The following CSNK2A2 variants were observed in gnomAD, a reference collection of about 807,000 sequenced individuals.
CSNK2A2 encodes the protein casein kinase 2 alpha 2, also known as casein kinase II subunit alpha'.
Under a neutral mutation model 54.0 loss-of-function variants are expected in CSNK2A2, and 8 were observed. The ratio of observed to expected loss-of-function variants is 0.15; its 90% confidence interval spans 0.09 to 0.27. The LOEUF is 0.27. Ranked by LOEUF, CSNK2A2 falls within the 10% of genes least tolerant of loss-of-function variation. The pLI, the probability that CSNK2A2 is intolerant of heterozygous loss-of-function variation, is 1.00. For synonymous variants in CSNK2A2, 141 were observed against 153.9 expected (o/e 0.92, Z 0.62); for missense variants, 242 against 439.4 (o/e 0.55, Z 4.02).
At chr16:58,193,846 A>T (rs1371216138) in intron 2 of CSNK2A2, among the ~76,000 whole-genome samples, 1 of 152,242 alleles carries the variant, frequency 6.6e-6, no homozygotes, top group African/African-American at 2.4e-5. Context: ...TTGTCAAAAA[A>T]AGATACAACC....
At chr16:58,188,262 G>A (rs771866102) in intron 2 of CSNK2A2, among the ~76,000 whole-genome samples, 2 of 152,168 alleles carry the variant, frequency 1.3e-5, no homozygotes, top group Admixed American at 6.5e-5. Flanking sequence ...CCCGCTCTCC[G>A]CCCGCTGTGC....
chr16:58,170,168 T>C (rs1385346367), intron 5 of CSNK2A2, among the ~76,000 whole-genome samples: 1 of 150,926 alleles, frequency 6.6e-6, no homozygotes, highest in Admixed American at 6.6e-5. Context: ...GTGCAACCAT[T>C]ACCACAATCC....
Position 58,186,801 on chromosome 16 carries a change from C to T in CSNK2A2, c.272G>A (p.Gly91Asp). The T allele has an allele frequency of 6.2e-7, 1 of 1,614,146 alleles. No individual in the cohort carries two copies. Among genetic ancestry groups the T allele is most frequent in the Non-Finnish European group, 8.5e-7 (1 of 1,180,000 alleles). ...AATCAGCTTAATGATATTTGTTCCA[C>T]CACGAAGGTTCTCCAGAATCTTAAC... ...REVKILENLR[G>D]GTNIIKLIDT... The change falls in exon 3 of 12, where the codon GGT (glycine) becomes GAT (aspartate). Residue 91 changes from glycine (G) to aspartate (D), a missense_variant. Physicochemically the swap from Gly to Asp is moderately conservative, Grantham distance 94. Coordinates refer to ENST00000262506, the MANE Select transcript of CSNK2A2 (RefSeq NM_001896.4).
chr16:58,190,591 C>A (rs894832793), intron 2 of CSNK2A2, among the ~76,000 whole-genome samples: 1 of 152,122 alleles, frequency 6.6e-6, no homozygotes, highest in Non-Finnish European at 1.5e-5. Flanking sequence ...AGTTTCATCA[C>A]CCCAATTACA....
intron 2 of CSNK2A2, among the ~76,000 whole-genome samples, chr16:58,187,688 A>T (rs1009014034): frequency 2.0e-5 from 3 of 152,278 alleles, no homozygotes; most frequent in Admixed American, 6.5e-5. Flanking sequence ...GAACACAGTA[A>T]GCACCTAATA....
chr16:58,168,628 T>C lies in CSNK2A2; in HGVS notation c.495A>G (p.Ile165Met). The C allele has an allele frequency of 6.2e-7, 1 of 1,613,922 alleles. No individual in the cohort carries two copies. The highest frequency in any genetic ancestry group is 8.5e-7 in the Non-Finnish European group (1 of 1,179,798). The change falls in exon 6 of 12, where the codon ATA becomes ATG. Residue 165 changes from isoleucine to methionine, a missense_variant. Physicochemically the swap from Ile to Met is conservative, Grantham distance 10. Transcript: ENST00000262506. ...HRDVKPHNVM[I>M]DHQQKKLRLI... Reference sequence around the variant, plus strand: ...ATGGTACCTTTTTCTGTTGGTGATCTATCATGACATTGTGAGGTTTCACAT... The same window carrying C: ...ATGGTACCTTTTTCTGTTGGTGATCCATCATGACATTGTGAGGTTTCACAT...
chr16:58,181,720 G>T (rs1962048520), intron 4 of CSNK2A2, among the ~76,000 whole-genome samples: 1 of 152,130 alleles, frequency 6.6e-6, no homozygotes, highest in Non-Finnish European at 1.5e-5. Context: ...TCTGGAAAGT[G>T]AGAACAAAGA....
At chr16:58,173,073 G>T (rs574002424) in intron 5 of CSNK2A2, among the ~76,000 whole-genome samples, 2 of 152,282 alleles carry the variant, frequency 1.3e-5, no homozygotes, top group South Asian at 4.2e-4. Flanking sequence ...GAGTGCATGG[G>T]ATTACTCAGG....
chr16:58,197,001 T>C lies in CSNK2A2; in HGVS notation c.105-157A>G, dbSNP rs891581967. ...TCCCTAAATGAAAGCCACGACATAATCTTGGCTCCCTTCACTCTGCAGAGC... is the reference window on the plus strand; with the variant it reads ...TCCCTAAATGAAAGCCACGACATAACCTTGGCTCCCTTCACTCTGCAGAGC... On this transcript the variant is annotated intron_variant, in intron 1 of 11. Transcript: ENST00000262506. This position sits in a 1 kb window ranked among gnomAD's most constrained non-coding sequence, Gnocchi z 4.0. 2 of 650,602 alleles carry C rather than the reference T, an allele frequency of 3.1e-6. No individual in the cohort carries two copies. Among genetic ancestry groups the C allele is most frequent in the African/African-American group, 3.6e-5 (2 of 56,028 alleles). 40.3% of individuals were successfully genotyped at this position (650,602 alleles called of 1,614,324 possible). A position where few individuals can be genotyped will look rare whatever the true frequency, so the allele number is the denominator to read the frequency against.
rs1962517736 is a variant in CSNK2A2, at chr16:58,197,895, G to C, written c.-159C>G. 1.4e-5 allele frequency: 2 copies of C among 140,664 alleles called. No homozygotes were observed. The highest frequency in any genetic ancestry group is 1.4e-4 in the Admixed American group (2 of 14,444). 8.7% of individuals were successfully genotyped at this position (140,664 alleles called of 1,614,324 possible). Reference sequence around the variant, plus strand: ...GGCGGCCGCGCCAGGCCGGGCCCGCGGGGGCGGGCGGGCTGGGGGCGCGGG... The same window carrying C: ...GGCGGCCGCGCCAGGCCGGGCCCGCCGGGGCGGGCGGGCTGGGGGCGCGGG... On this transcript the variant is annotated 5_prime_UTR_variant, in exon 1 of 12. Transcript: ENST00000262506. The surrounding 1 kb of genome is among the most constrained non-coding windows in gnomAD (Gnocchi z 4.0).
chr16:58,173,213 T>G (rs533398377), intron 5 of CSNK2A2, among the ~76,000 whole-genome samples: 12 of 152,310 alleles, frequency 7.9e-5, no homozygotes, highest in African/African-American at 2.6e-4. Context: ...AAGCTCGACC[T>G]TTTTCGTGTT....
intron 10 of CSNK2A2, 136 bp from the exon 11 acceptor site, chr16:58,164,283 G>A (rs1041981352): frequency 1.3e-5 from 8 of 626,864 alleles, no homozygotes; most frequent in South Asian, 2.2e-5. Context: ...CAGGAGAGAC[G>A]GAAATCACGG....
intron 11 of CSNK2A2, chr16:58,161,991 A>C (rs576423433): frequency 2.8e-4 from 43 of 151,996 alleles, no homozygotes; most frequent in African/African-American, 1.0e-3. Context: ...TACTTTTATT[A>C]CCTTTGGGGG....
At position 58,167,811 on chromosome 16, in the gene CSNK2A2, A is replaced by T; in HGVS notation, c.514-16T>A. On this transcript the variant is annotated splice_polypyrimidine_tract_variant and intron_variant, in intron 6 of 11. Coordinates refer to ENST00000262506, the MANE Select transcript of CSNK2A2 (RefSeq NM_001896.4). ...TCAGTCGCAGCTACAAATAGGACAG[A>T]AAAAAACATGTGAAAGGAGTGTTTC... 1 of 1,598,010 alleles carries T rather than the reference A, an allele frequency of 6.3e-7. No homozygotes were observed. The highest frequency in any genetic ancestry group is 8.6e-7 in the Non-Finnish European group (1 of 1,165,428).
intron 2 of CSNK2A2, among the ~76,000 whole-genome samples, chr16:58,187,984 C>A (rs888979721): frequency 2.0e-5 from 3 of 152,040 alleles, no homozygotes; most frequent in African/African-American, 7.2e-5. Context: ...CAAAGAGAGG[C>A]CAATGGATTT....
intron 4 of CSNK2A2, among the ~76,000 whole-genome samples, chr16:58,182,023 C>A (rs193262183): frequency 2.0e-5 from 3 of 152,072 alleles, no homozygotes. Context: ...CTAGCAAATA[C>A]ATTAATTGGC....
At chr16:58,169,866 G>A (rs1426567933) in intron 5 of CSNK2A2, among the ~76,000 whole-genome samples, 2 of 151,970 alleles carry the variant, frequency 1.3e-5, no homozygotes, top group Non-Finnish European at 2.9e-5. Flanking sequence ...CCAACATGGC[G>A]AAACTCCACC....
intron 4 of CSNK2A2, among the ~76,000 whole-genome samples, chr16:58,180,388 T>G (rs1962005435): frequency 6.9e-6 from 1 of 144,988 alleles, no homozygotes; most frequent in Non-Finnish European, 1.5e-5. Flanking sequence ...TTTTTTTTTG[T>G]GACCAGTCAA....
At chr16:58,195,498 T>C (rs1422212994) in intron 2 of CSNK2A2, among the ~76,000 whole-genome samples, 3 of 142,234 alleles carry the variant, frequency 2.1e-5, no homozygotes, top group Non-Finnish European at 4.7e-5. Context: ...CCACAGCTTT[T>C]CTAGTCCACA....
Sources: gnomAD v4.1 joint callset for allele counts (sites outside exome capture counted in the v4.1 genomes callset) on GRCh38, gnomAD v4.1.1 for gene constraint, Gnocchi (gnomAD v3.1) non-coding constraint, MANE v1.5 for transcripts, NCBI Gene and HGNC (gene_info 2026-07-23, HGNC 2026-07-21) for gene names.